Variants in EGFR observed in about 807,000 individuals in gnomAD.
EGFR encodes avian erythroblastic leukemia viral (v-erb-b) oncogene homolog.
EGFR carries 58 observed loss-of-function variants against 143.0 expected under a neutral mutation model. The ratio of observed to expected loss-of-function variants is 0.41; its 90% confidence interval spans 0.33 to 0.50. The LOEUF (loss-of-function observed/expected upper bound fraction) is 0.50, where lower values mean the gene tolerates loss of function less well. EGFR is among the 20% of genes least tolerant of loss of function. The pLI is 0.39. For synonymous variants in EGFR, 613 were observed against 594.4 expected, an observed-to-expected ratio of 1.03 and a Z score of -0.45; for missense variants, 1,307 against 1,579.0, an observed-to-expected ratio of 0.83 and a Z score of 2.92.
chr7:55,113,927 C>G (rs1357759035), intron 1 of EGFR, among the ~76,000 whole-genome samples: 1 of 152,156 alleles, frequency 6.6e-6, no homozygotes, highest in African/African-American at 2.4e-5. Flanking sequence ...AGGCCTCACC[C>G]GACACTCTGA....
chr7:55,161,372 G>A (rs1436361752), intron 12 of EGFR, 127 bp from the exon 13 acceptor site: 2 of 1,313,056 alleles, frequency 1.5e-6, no homozygotes, highest in Non-Finnish European at 2.0e-6. Context: ...TCCTTCAGGG[G>A]TAGCCAGCAT....
At position 55,019,205 on chromosome 7, in the gene EGFR, C is replaced by A; in HGVS notation, c.-73C>A. The stretch of plus-strand genomic sequence containing the variant: ...CCCCGCCTCGCCGCCAACGCCACAA[C>A]CACCGCGCACGGCCCCCTGACTCCG... On this transcript the variant is annotated 5_prime_UTR_variant, in exon 1 of 28. Coordinates refer to ENST00000275493, the MANE Select transcript of EGFR (RefSeq NM_005228.5). 2 of 1,261,218 alleles carry A rather than the reference C, an allele frequency of 1.6e-6. No homozygotes were observed. Among genetic ancestry groups the A allele is most frequent in the Non-Finnish European group, 1.1e-6 (1 of 936,550 alleles). The allele number at this position is 1,261,218 out of a possible 1,614,324, so 78.1% of individuals were successfully genotyped here.
At chr7:55,105,129 G>A (rs776921892) in intron 1 of EGFR, among the ~76,000 whole-genome samples, 2 of 152,176 alleles carry the variant, frequency 1.3e-5, no homozygotes, top group South Asian at 4.1e-4. Flanking sequence ...TATTATTAGA[G>A]GAGCTTGCGG....
At chr7:55,191,369 C>T (rs1280028650) in intron 20 of EGFR, among the ~76,000 whole-genome samples, 1 of 152,026 alleles carries the variant, frequency 6.6e-6, no homozygotes, top group Non-Finnish European at 1.5e-5. Context: ...CCCCCCACCC[C>T]CACTTTGCAG....
chr7:55,107,554 A>T (rs1008272815), intron 1 of EGFR, among the ~76,000 whole-genome samples: 2 of 152,232 alleles, frequency 1.3e-5, no homozygotes, highest in African/African-American at 2.4e-5. Flanking sequence ...GCTGCAGGGC[A>T]TGAGACATCT....
intron 1 of EGFR, among the ~76,000 whole-genome samples, chr7:55,117,356 A>G (rs943103557): frequency 6.6e-6 from 1 of 152,204 alleles, no homozygotes; most frequent in African/African-American, 2.4e-5. Context: ...TGAAAGACAT[A>G]GCAGTCTACA....
At chr7:55,123,805 A>C (rs1469995962) in intron 1 of EGFR, among the ~76,000 whole-genome samples, 1 of 152,172 alleles carries the variant, frequency 6.6e-6, no homozygotes, top group East Asian at 1.9e-4. Flanking sequence ...GGTTTTTCTT[A>C]ACTCAAACTA....
chr7:55,161,452 G>A (rs1314632710), intron 12 of EGFR, 47 bp from the exon 13 acceptor site: 3 of 1,595,654 alleles, frequency 1.9e-6, no homozygotes, highest in Middle Eastern at 1.9e-4. Flanking sequence ...CGGCCCCTCG[G>A]GTCCCTGCTC....
At chr7:55,093,270 T>G (rs1045241388) in intron 1 of EGFR, among the ~76,000 whole-genome samples, 8 of 152,346 alleles carry the variant, frequency 5.3e-5, no homozygotes, top group Admixed American at 5.2e-4. Flanking sequence ...GCCTTCCATG[T>G]TTTTTTGTTC....
At chr7:55,068,038 G>A (rs762338322) in intron 1 of EGFR, among the ~76,000 whole-genome samples, 1 of 150,336 alleles carries the variant, frequency 6.7e-6, no homozygotes, top group Admixed American at 6.6e-5. Flanking sequence ...ATGTGTATAT[G>A]TGTATGTGTG....
Position 55,196,064 on chromosome 7 carries a change from T to C in EGFR, c.2702-2653T>C, listed in dbSNP as rs114228417. 8.1e-3 allele frequency among the ~76,000 whole-genome samples: 1,229 copies of C among 152,184 alleles called. 19 individuals carry two copies. The highest frequency in any genetic ancestry group is 0.028 in the African/African-American group (1,183 of 41,522). ...CCGGGTCAAATGGTAGTTCTGTTTT[T>C]AGCTATCTGAGAAATTGCCACACTC... On this transcript the variant is annotated intron_variant, in intron 22 of 27. Coordinates refer to ENST00000275493, the MANE Select transcript of EGFR (RefSeq NM_005228.5).
intron 1 of EGFR, among the ~76,000 whole-genome samples, chr7:55,135,327 G>T (rs559109971): frequency 6.6e-6 from 1 of 151,678 alleles, no homozygotes; most frequent in Non-Finnish European, 1.5e-5. Flanking sequence ...TGGGCATGCC[G>T]CAGCTTGGCA....
chr7:55,106,749 A>T (rs1327127431), intron 1 of EGFR, among the ~76,000 whole-genome samples: 1 of 152,160 alleles, frequency 6.6e-6, no homozygotes, highest in African/African-American at 2.4e-5. Context: ...ATCAACATTT[A>T]TCCTTAATGT....
intron 1 of EGFR, among the ~76,000 whole-genome samples, chr7:55,054,442 G>T (rs1788669251): frequency 6.6e-6 from 1 of 152,212 alleles, no homozygotes; most frequent in African/African-American, 2.4e-5. Flanking sequence ...GGTGGGTCTG[G>T]GCAGAGCACT....
intron 20 of EGFR, among the ~76,000 whole-genome samples, chr7:55,191,342 G>C (rs1787384500): frequency 6.6e-6 from 1 of 152,146 alleles, no homozygotes; most frequent in Non-Finnish European, 1.5e-5. Flanking sequence ...TTGGTGAGGA[G>C]GGCATGGTCC....
intron 1 of EGFR, among the ~76,000 whole-genome samples, chr7:55,106,703 T>A (rs548125044): frequency 1.6e-4 from 24 of 152,372 alleles, no homozygotes; most frequent in African/African-American, 5.5e-4. Context: ...TTCTAAGACA[T>A]GTCTCCTAAA....
intron 2 of EGFR, among the ~76,000 whole-genome samples, chr7:55,143,038 G>A (rs74704039): frequency 4.6e-5 from 7 of 152,288 alleles, no homozygotes; most frequent in East Asian, 3.9e-4. Flanking sequence ...GTTGAACCCC[G>A]TGAGGCATGA....
At chr7:55,123,305 CATTCTTT>C (rs796483189) in intron 1 of EGFR, among the ~76,000 whole-genome samples, 28 of 152,280 alleles carry the variant, frequency 1.8e-4, no homozygotes, top group African/African-American at 4.1e-4. Context: ...ATTAAAGAGT[CATTCTTT>C]GAAACAAATA....
At chr7:55,122,773 C>G (rs1026298242) in intron 1 of EGFR, among the ~76,000 whole-genome samples, 4 of 152,252 alleles carry the variant, frequency 2.6e-5, no homozygotes, top group Non-Finnish European at 4.4e-5. Flanking sequence ...CCTCTCTTAG[C>G]TGAAAATCAG....
Sources: allele counts gnomAD v4.1 joint callset (sites outside exome capture counted in the v4.1 genomes callset), GRCh38; gene constraint gnomAD v4.1.1; transcripts MANE v1.5; gene names NCBI Gene and HGNC (gene_info 2026-07-23, HGNC 2026-07-21).